EPB41L5: variants seen among roughly 807,000 people sequenced by gnomAD.
EPB41L5 encodes band 4.1-like protein 5.
In EPB41L5, 55 loss-of-function variants were observed where a neutral mutation model predicts 106.6. The observed-to-expected ratio is 0.52, with a 90% CI of 0.42 to 0.65. The LOEUF (loss-of-function observed/expected upper bound fraction) is 0.65. Ranked by LOEUF, EPB41L5 falls within the 30% of genes least tolerant of loss-of-function variation. EPB41L5 has a pLI of 0.00. For synonymous variants in EPB41L5, 297 were observed against 306.7 expected (o/e 0.97, Z 0.33); for missense variants, 871 against 882.1 (o/e 0.99, Z 0.16).
At chr2:120,034,771 G>T (rs754556533) in intron 2 of EPB41L5, among the ~76,000 whole-genome samples, 34 of 152,078 alleles carry the variant, frequency 2.2e-4, no homozygotes, top group African/African-American at 8.0e-4. Flanking sequence ...AGACTGAGCC[G>T]AAAGGATTCC....
At chr2:120,020,244 A>C (rs1217538154) in intron 2 of EPB41L5, among the ~76,000 whole-genome samples, 1 of 152,208 alleles carries the variant, frequency 6.6e-6, no homozygotes, top group Non-Finnish European at 1.5e-5. Flanking sequence ...TCTTTGGGCA[A>C]AGTGATAGCC....
chr2:120,070,939 G>A (rs1401775467), intron 3 of EPB41L5, among the ~76,000 whole-genome samples: 2 of 152,170 alleles, frequency 1.3e-5, no homozygotes, highest in Non-Finnish European at 2.9e-5. Flanking sequence ...AAACAAGGAT[G>A]CCGTCTCTCA....
intron 22 of EPB41L5, among the ~76,000 whole-genome samples, chr2:120,167,163 G>A (rs759087914): frequency 1.3e-5 from 2 of 152,200 alleles, no homozygotes; most frequent in Non-Finnish European, 2.9e-5. Flanking sequence ...TGAATACTGG[G>A]TGTGAGGTAG....
At chr2:120,095,150 A>G (rs1457758592) in intron 14 of EPB41L5, among the ~76,000 whole-genome samples, 4 of 151,652 alleles carry the variant, frequency 2.6e-5, no homozygotes, top group Admixed American at 6.6e-5. Flanking sequence ...ACTATTGTCT[A>G]TTTCTTCCTT....
rs149514606 is a variant in EPB41L5, at chr2:120,135,940, G to A, written c.1599+4225G>A. On this transcript the variant is annotated intron_variant, in intron 18 of 24. Transcript: ENST00000263713. ...TAATGGTATGTACACTAACAAATAC[G>A]GCATATTATAACACTGAAATTGTTG... 4.1e-3 allele frequency among the ~76,000 whole-genome samples: 621 copies of A among 151,952 alleles called. 4 individuals carry two copies. Among genetic ancestry groups the A allele is most frequent in the Middle Eastern group, 0.014 (4 of 292 alleles).
At chr2:120,091,201 A>G (rs1198399523) in intron 12 of EPB41L5, among the ~76,000 whole-genome samples, 2 of 152,260 alleles carry the variant, frequency 1.3e-5, no homozygotes, top group Non-Finnish European at 2.9e-5. Context: ...GAATATCACA[A>G]TTAGAAAAAG....
chr2:120,141,997 G>C (rs1173463859), intron 18 of EPB41L5, among the ~76,000 whole-genome samples: 2 of 151,784 alleles, frequency 1.3e-5, no homozygotes, highest in Non-Finnish European at 2.9e-5. Flanking sequence ...GTATTTTGGT[G>C]GTTGGATGGA....
intron 5 of EPB41L5, 116 bp from the exon 6 acceptor site, chr2:120,075,348 TGCACATCTTTTA>T: frequency 1.4e-6 from 1 of 721,034 alleles, no homozygotes; most frequent in Non-Finnish European, 2.4e-6. Context: ...CCCCAAACTA[TGCACATCTTTTA>T]TACATTAATA....
chr2:120,174,084 T>G (rs948453844), intron 24 of EPB41L5, among the ~76,000 whole-genome samples: 5 of 152,144 alleles, frequency 3.3e-5, no homozygotes, highest in African/African-American at 1.2e-4. Context: ...GCAGAGCCCA[T>G]GAGGGCTTCT....
chr2:120,042,902 G>A (rs1679488431), intron 3 of EPB41L5, among the ~76,000 whole-genome samples: 1 of 151,860 alleles, frequency 6.6e-6, no homozygotes, highest in Non-Finnish European at 1.5e-5. Context: ...AATACTTTAG[G>A]ATAAAAGTAA....
Position 120,105,417 on chromosome 2 carries a change from C to T in EPB41L5, c.1337+4603C>T, listed in dbSNP as rs992720234. 4 of 984,638 alleles carry T rather than the reference C, an allele frequency of 4.1e-6. No homozygotes were observed. In the African/African-American group the frequency reaches 7.0e-5, roughly 17 times the overall value. The allele number at this position is 984,638 out of a possible 1,614,324, so 61.0% of individuals were successfully genotyped here. A position where few individuals can be genotyped will look rare whatever the true frequency, so the allele number is the denominator to read the frequency against. ...TAACTCATTTAATGCATCCTGCTCA[C>T]ATAGAGGTTGGTTTTATATCTCAAA... On this transcript the variant is annotated intron_variant, in intron 16 of 24. Transcript: ENST00000263713.
At position 120,162,399 on chromosome 2, in the gene EPB41L5, T is replaced by G. The variant is rs1344538870; in HGVS notation, c.1887+1425T>G. The stretch of plus-strand genomic sequence containing the variant: ...TCTTTTTTATTGCATAATGTACATC[T>G]GTTGTAATTTGCCAAATACCTCACA... On this transcript the variant is annotated intron_variant, in intron 21 of 24. Coordinates refer to ENST00000263713, the MANE Select transcript of EPB41L5 (RefSeq NM_020909.4). 2.6e-5 allele frequency among the ~76,000 whole-genome samples: 4 copies of G among 152,248 alleles called. No homozygotes were observed. In the East Asian group the frequency reaches 5.8e-4, roughly 22 times the overall value.
chr2:120,041,362 C>T (rs762878965), intron 2 of EPB41L5, among the ~76,000 whole-genome samples: 3 of 152,114 alleles, frequency 2.0e-5, no homozygotes, highest in Non-Finnish European at 2.9e-5. Context: ...TGGAAACCCT[C>T]GGTGATCATG....
chr2:120,139,208 C>A (rs1455527245), intron 18 of EPB41L5, among the ~76,000 whole-genome samples: 1 of 151,972 alleles, frequency 6.6e-6, no homozygotes, highest in Non-Finnish European at 1.5e-5. Context: ...TCTAAGGTCT[C>A]AAACTATGAA....
chr2:120,132,887 G>A (rs1172919521), intron 18 of EPB41L5, among the ~76,000 whole-genome samples: 7 of 152,016 alleles, frequency 4.6e-5, no homozygotes, highest in African/African-American at 1.2e-4. Context: ...AGTGGGGGGC[G>A]GGGATTGTTG....
intron 5 of EPB41L5, 43 bp from the exon 6 acceptor site, chr2:120,075,433 G>A (rs370333545): frequency 3.5e-6 from 5 of 1,414,972 alleles, no homozygotes; most frequent in Non-Finnish European, 4.0e-6. Context: ...TTTCACAGTC[G>A]ATTGTGCTGT....
chr2:120,060,563 C>A (rs1438811184), intron 3 of EPB41L5, among the ~76,000 whole-genome samples: 4 of 152,224 alleles, frequency 2.6e-5, no homozygotes, highest in South Asian at 2.1e-4. Context: ...TGAAATGACA[C>A]AATTATAGAG....
intron 3 of EPB41L5, among the ~76,000 whole-genome samples, chr2:120,049,759 C>CTT (rs1680092467): frequency 6.6e-6 from 1 of 152,104 alleles, no homozygotes; most frequent in Non-Finnish European, 1.5e-5. Flanking sequence ...TTCCTAGCAT[C>CTT]GATGGTCTTT....
chr2:120,088,719 T>G (rs1009643258), intron 11 of EPB41L5, among the ~76,000 whole-genome samples: 1 of 99,492 alleles, frequency 1.0e-5, no homozygotes, highest in Non-Finnish European at 2.6e-5. Context: ...AGCAATGTTA[T>G]TGGTGTTTTT....
Sources: gnomAD v4.1 joint callset for allele counts (sites outside exome capture counted in the v4.1 genomes callset) on GRCh38, gnomAD v4.1.1 for gene constraint, MANE v1.5 for transcripts, NCBI Gene and HGNC (gene_info 2026-07-23, HGNC 2026-07-21) for gene names.